Variants in TMC1 observed in about 807,000 individuals in gnomAD.
TMC1 encodes transmembrane channel like 1, also known as transmembrane channel-like protein 1.
A neutral mutation model predicts 105.8 loss-of-function variants in TMC1; 84 were observed. The observed-to-expected ratio is 0.79, with a 90% CI of 0.67 to 0.95. The LOEUF is 0.95. Among genes scored for constraint, TMC1 ranks in the 40% least tolerant of loss-of-function variants. TMC1 has a pLI of 0.00. For missense variants in TMC1, 817 were observed against 914.1 expected, an observed-to-expected ratio of 0.89 and a Z score of 1.37; for synonymous variants, 315 against 311.5, an observed-to-expected ratio of 1.01 and a Z score of -0.12.
intron 15 of TMC1, among the ~76,000 whole-genome samples, chr9:72,790,081 C>A (rs1028316546): frequency 6.6e-6 from 1 of 152,098 alleles, no homozygotes; most frequent in African/African-American, 2.4e-5. Context: ...TGAGTTGTTG[C>A]TAGAGTCTGT....
In TMC1 at chr9:72,548,560, C is replaced by G. The variant is rs528694624; in HGVS notation, c.-428+26647C>G. Among the ~76,000 whole-genome samples, 11 of 143,860 alleles carry G rather than the reference C, an allele frequency of 7.6e-5. No individual in the cohort carries two copies. The South Asian group carries it at 2.1e-3, about 28-fold the overall frequency. The allele number at this position is 143,860 out of a possible 152,430, so 94.4% of individuals were successfully genotyped here. A position where few individuals can be genotyped will look rare whatever the true frequency, so the allele number is the denominator to read the frequency against. On this transcript the variant is annotated intron_variant, in intron 1 of 23. Coordinates refer to ENST00000297784, the MANE Select transcript of TMC1 (RefSeq NM_138691.3). The stretch of plus-strand genomic sequence containing the variant: ...TCAGCCTGGGTGACAGAGTGAGACT[C>G]TGTCTTAAAAAAAAAAAAAAAAAAG...
chr9:72,828,081 C>G (rs888245457), intron 21 of TMC1, among the ~76,000 whole-genome samples: 2 of 152,150 alleles, frequency 1.3e-5, no homozygotes, highest in Non-Finnish European at 2.9e-5. Flanking sequence ...TGAAGCAGAT[C>G]CTTTCACAGT....
intron 2 of TMC1, among the ~76,000 whole-genome samples, chr9:72,603,527 A>G (rs1824855860): frequency 6.6e-6 from 1 of 151,564 alleles, no homozygotes; most frequent in African/African-American, 2.4e-5. Flanking sequence ...TACCGTGTCA[A>G]TGTTGCATTT....
intron 8 of TMC1, among the ~76,000 whole-genome samples, chr9:72,714,813 C>A (rs1461981100): frequency 2.6e-5 from 4 of 152,118 alleles, no homozygotes; most frequent in Non-Finnish European, 4.4e-5. Flanking sequence ...CATTATGATG[C>A]TGGATGGTTA....
chr9:72,678,933 A>T (rs896337885), intron 5 of TMC1, among the ~76,000 whole-genome samples: 3 of 152,068 alleles, frequency 2.0e-5, no homozygotes, highest in Non-Finnish European at 4.4e-5. Context: ...CCAAGCAAGT[A>T]TGTTATGTGT....
chr9:72,630,402 A>G (rs1406336087), intron 4 of TMC1, among the ~76,000 whole-genome samples: 1 of 152,216 alleles, frequency 6.6e-6, no homozygotes, highest in East Asian at 1.9e-4. Context: ...AAACTTTTGT[A>G]AACTATATAT....
At chr9:72,795,850 A>C (rs1828355553) in intron 17 of TMC1, among the ~76,000 whole-genome samples, 1 of 149,374 alleles carries the variant, frequency 6.7e-6, no homozygotes, top group Admixed American at 6.6e-5. Flanking sequence ...GGCACAGAGT[A>C]GCAAGCTGTA....
chr9:72,793,960 C>A (rs1828320868), intron 17 of TMC1, among the ~76,000 whole-genome samples: 1 of 152,138 alleles, frequency 6.6e-6, no homozygotes. Context: ...GTAGAACTGC[C>A]CTTGCTACCC....
intron 4 of TMC1, among the ~76,000 whole-genome samples, chr9:72,637,603 G>T (rs1344256658): frequency 6.6e-6 from 1 of 152,080 alleles, no homozygotes; most frequent in East Asian, 1.9e-4. Context: ...AATATTAGAA[G>T]ACCTATTTCC....
chr9:72,589,860 C>T (rs1241361654), intron 2 of TMC1, among the ~76,000 whole-genome samples: 2 of 152,162 alleles, frequency 1.3e-5, no homozygotes, highest in African/African-American at 4.8e-5. Flanking sequence ...ACAAAGTGAC[C>T]TCAGGGCATT....
chr9:72,626,154 C>A (rs1195697486), intron 3 of TMC1, among the ~76,000 whole-genome samples: 1 of 152,110 alleles, frequency 6.6e-6, no homozygotes. Flanking sequence ...AATTTCAGCC[C>A]CAGTCACTGT....
At chr9:72,681,493 C>T (rs1283015518) in intron 5 of TMC1, among the ~76,000 whole-genome samples, 1 of 151,968 alleles carries the variant, frequency 6.6e-6, no homozygotes, top group Non-Finnish European at 1.5e-5. Context: ...ATTGCAGTTT[C>T]TCACAAATAC....
intron 5 of TMC1, among the ~76,000 whole-genome samples, chr9:72,653,422 A>G (rs1825842521): frequency 6.6e-6 from 1 of 152,206 alleles, no homozygotes; most frequent in South Asian, 2.1e-4. Flanking sequence ...ATGGACATCA[A>G]CAGGTGAATA....
chr9:72,814,248 C>T (rs1828747668), intron 18 of TMC1, among the ~76,000 whole-genome samples: 1 of 152,144 alleles, frequency 6.6e-6, no homozygotes, highest in Admixed American at 6.5e-5. Flanking sequence ...ACCGAGTAAG[C>T]ATTTTTCAGA....
chr9:72,574,840 A>G (rs185760691), intron 1 of TMC1, among the ~76,000 whole-genome samples: 1 of 151,986 alleles, frequency 6.6e-6, no homozygotes, highest in Admixed American at 6.6e-5. Context: ...CCCCATCTTC[A>G]CCCCCATTGT....
At chr9:72,828,530 C>T (rs921225141) in intron 21 of TMC1, among the ~76,000 whole-genome samples, 1 of 151,998 alleles carries the variant, frequency 6.6e-6, no homozygotes, top group Non-Finnish European at 1.5e-5. Flanking sequence ...TGTTCAAATG[C>T]CTTAATCCAA....
At chr9:72,522,154 G>GT (rs66973360) in intron 1 of TMC1, among the ~76,000 whole-genome samples, 168 of 47,654 alleles carry the variant, frequency 3.5e-3, no homozygotes, top group East Asian at 9.2e-3. Flanking sequence ...TAATTGATAA[G>GT]TTTTTTTTTT....
chr9:72,577,145 C>T (rs967219506), intron 1 of TMC1, among the ~76,000 whole-genome samples: 2 of 152,094 alleles, frequency 1.3e-5, no homozygotes, highest in Non-Finnish European at 2.9e-5. Context: ...CTGATTACTC[C>T]TCCAAAATTC....
chr9:72,653,880 A>G (rs938566394), intron 5 of TMC1, among the ~76,000 whole-genome samples: 3 of 152,220 alleles, frequency 2.0e-5, no homozygotes, highest in Non-Finnish European at 4.4e-5. Context: ...ATTAATGGAA[A>G]TGTACAGTAA....
Sources: allele counts gnomAD v4.1 joint callset (sites outside exome capture counted in the v4.1 genomes callset), GRCh38; gene constraint gnomAD v4.1.1; transcripts MANE v1.5; gene names NCBI Gene and HGNC (gene_info 2026-07-23, HGNC 2026-07-21).